PTPRD: variants seen among roughly 807,000 people sequenced by gnomAD.
The protein encoded by PTPRD is protein tyrosine phosphatase receptor type D.
PTPRD carries 34 observed loss-of-function variants against 214.5 expected under a neutral mutation model. That is an observed-to-expected ratio of 0.16 (90% confidence interval 0.12 to 0.21). PTPRD has a LOEUF of 0.21. Among genes scored for constraint, PTPRD ranks in the 10% least tolerant of loss-of-function variants. PTPRD has a pLI of 1.00. For synonymous variants in PTPRD, 1,128 were observed against 845.7 expected, an observed-to-expected ratio of 1.33 and a Z score of -5.79; for missense variants, 2,545 against 2,398.7, an observed-to-expected ratio of 1.06 and a Z score of -1.27.
rs542771593 is a variant in PTPRD, at chr9:10,014,762, G to A, written c.-472+18956C>T. Among the ~76,000 whole-genome samples the A allele has an allele frequency of 2.0e-5, 3 of 151,942 alleles. No homozygotes were observed. The South Asian group carries it at 6.2e-4, about 31-fold the overall frequency. On this transcript the variant is annotated intron_variant, in intron 4 of 45. Coordinates refer to ENST00000381196, the MANE Select transcript of PTPRD (RefSeq NM_002839.4). ...TTATCCATTAAAATTATATGATATA[G>A]ACCTATTTTGGCATAAATCTGTATT...
intron 30 of PTPRD, among the ~76,000 whole-genome samples, chr9:8,476,117 C>G (rs1031539703): frequency 6.6e-6 from 1 of 152,092 alleles, no homozygotes; most frequent in African/African-American, 2.4e-5. Flanking sequence ...CCAGTGGTTC[C>G]GAGCCTTTTT....
At chr9:8,545,273 T>A (rs1472471687) in intron 14 of PTPRD, among the ~76,000 whole-genome samples, 4 of 152,214 alleles carry the variant, frequency 2.6e-5, no homozygotes, top group Non-Finnish European at 5.9e-5. Context: ...ATAATATTGT[T>A]TGTTCAGACA....
intron 11 of PTPRD, among the ~76,000 whole-genome samples, chr9:8,808,462 C>CTTTTTTTT (rs34627797): frequency 6.1e-5 from 6 of 98,776 alleles, no homozygotes; most frequent in African/African-American, 8.0e-5. Flanking sequence ...AGCCCCCCAC[C>CTTTTTTTT]TTTTTTTTTT....
intron 9 of PTPRD, among the ~76,000 whole-genome samples, chr9:9,282,003 T>A (rs373149203): frequency 6.6e-6 from 1 of 151,250 alleles, no homozygotes; most frequent in Admixed American, 6.6e-5. Flanking sequence ...AAGAAGCCAA[T>A]CTGAAAAGCT....
chr9:9,750,950 T>C (rs1392716778), intron 6 of PTPRD, among the ~76,000 whole-genome samples: 1 of 152,192 alleles, frequency 6.6e-6, no homozygotes, highest in Admixed American at 6.6e-5. Context: ...CATGTCGCAA[T>C]CATTAAAGTG....
intron 9 of PTPRD, among the ~76,000 whole-genome samples, chr9:9,263,754 G>A (rs1415122140): frequency 6.6e-6 from 1 of 151,556 alleles, no homozygotes; most frequent in Non-Finnish European, 1.5e-5. Context: ...TAAACAATGA[G>A]CACACATAGG....
At chr9:8,595,487 A>G (rs1239903372) in intron 14 of PTPRD, among the ~76,000 whole-genome samples, 2 of 152,136 alleles carry the variant, frequency 1.3e-5, no homozygotes, top group Non-Finnish European at 2.9e-5. Flanking sequence ...TGAGTGGAGA[A>G]AAACAATGTA....
intron 4 of PTPRD, among the ~76,000 whole-genome samples, chr9:9,960,049 A>G (rs1426226885): frequency 6.6e-6 from 1 of 152,190 alleles, no homozygotes; most frequent in South Asian, 2.1e-4. Flanking sequence ...CTGGTTTCTA[A>G]TAACATTCTC....
chr9:9,292,879 G>C (rs1352362408), intron 9 of PTPRD, among the ~76,000 whole-genome samples: 1 of 151,304 alleles, frequency 6.6e-6, no homozygotes, highest in African/African-American at 2.4e-5. Context: ...GGTTAGATTG[G>C]GGTTATAGAT....
At chr9:10,128,166 G>A (rs1012144947) in intron 3 of PTPRD, among the ~76,000 whole-genome samples, 2 of 151,986 alleles carry the variant, frequency 1.3e-5, no homozygotes, top group African/African-American at 4.8e-5. Flanking sequence ...TCCTTTGCTT[G>A]ACTCAAAATA....
intron 2 of PTPRD, among the ~76,000 whole-genome samples, chr9:10,593,197 A>G (rs1055535737): frequency 2.6e-5 from 4 of 151,986 alleles, no homozygotes; most frequent in African/African-American, 4.8e-5. Flanking sequence ...TTAAACCATA[A>G]TAGAAAACAC....
chr9:8,363,038 A>G (rs2078895076), intron 39 of PTPRD, among the ~76,000 whole-genome samples: 1 of 152,120 alleles, frequency 6.6e-6, no homozygotes, highest in Non-Finnish European at 1.5e-5. Flanking sequence ...CTGCTTTAGG[A>G]AGTATTTGAT....
At chr9:9,262,511 A>C (rs934419620) in intron 9 of PTPRD, among the ~76,000 whole-genome samples, 4 of 151,500 alleles carry the variant, frequency 2.6e-5, no homozygotes, top group Non-Finnish European at 5.9e-5. Context: ...AAAGGCTACT[A>C]TATTGGGCAG....
chr9:9,453,879 C>G (rs10977768), intron 8 of PTPRD, among the ~76,000 whole-genome samples: 23,107 of 151,640 alleles, frequency 0.15, 1,877 homozygotes, highest in Middle Eastern at 0.29. Context: ...TGCCACATTA[C>G]TCTTCAATCC....
At chr9:9,067,612 G>T (rs1178708681) in intron 10 of PTPRD, among the ~76,000 whole-genome samples, 5 of 152,032 alleles carry the variant, frequency 3.3e-5, no homozygotes, top group Non-Finnish European at 7.4e-5. Flanking sequence ...GTTATTTACT[G>T]TAAAACTTTT....
At chr9:9,126,950 A>G (rs887633266) in intron 10 of PTPRD, among the ~76,000 whole-genome samples, 1 of 151,936 alleles carries the variant, frequency 6.6e-6, no homozygotes, top group African/African-American at 2.4e-5. Flanking sequence ...GAACAAACCC[A>G]GAACAGGATG....
At chr9:9,358,543 T>C (rs187740715) in intron 9 of PTPRD, among the ~76,000 whole-genome samples, 44 of 151,368 alleles carry the variant, frequency 2.9e-4, no homozygotes, top group African/African-American at 9.9e-4. Flanking sequence ...ATTTTTGCCT[T>C]TACAGAGAAT....
At chr9:10,342,921 A>T (rs888243758) in intron 2 of PTPRD, among the ~76,000 whole-genome samples, 6 of 151,898 alleles carry the variant, frequency 4.0e-5, no homozygotes, top group Admixed American at 3.3e-4. Flanking sequence ...TGACTGTTTA[A>T]ATATAAAGTA....
chr9:9,739,481 G>A (rs1285560075), intron 6 of PTPRD, among the ~76,000 whole-genome samples: 1 of 151,842 alleles, frequency 6.6e-6, no homozygotes, highest in Non-Finnish European at 1.5e-5. Flanking sequence ...AAAATTCTAT[G>A]TTTTTAGAAA....
Sources: gnomAD v4.1 joint callset for allele counts (sites outside exome capture counted in the v4.1 genomes callset) on GRCh38, gnomAD v4.1.1 for gene constraint, MANE v1.5 for transcripts, NCBI Gene and HGNC (gene_info 2026-07-23, HGNC 2026-07-21) for gene names.